CDKL3: variants seen among roughly 807,000 people sequenced by gnomAD.
CDKL3 encodes cyclin-dependent kinase-like 3.
Under a neutral mutation model 69.3 loss-of-function variants are expected in CDKL3, and 65 were observed. The ratio of observed to expected loss-of-function variants is 0.94; its 90% CI spans 0.77 to 1.15. The LOEUF is 1.15. Ranked by LOEUF, CDKL3 falls within the 50% of genes most tolerant of loss-of-function variation. CDKL3 has a pLI of 0.00. For missense variants in CDKL3, 652 were observed against 689.2 expected, an observed-to-expected ratio of 0.95 and a Z score of 0.61; for synonymous variants, 202 against 221.6, an observed-to-expected ratio of 0.91 and a Z score of 0.79.
At chr5:134,286,661 T>G (rs1764880244) in intron 8 of CDKL3, 3 of 152,512 alleles carry the variant, frequency 2.0e-5, no homozygotes, top group Admixed American at 2.0e-4. Flanking sequence ...GAACAGCAAG[T>G]CATGTCTTAC....
intron 4 of CDKL3, among the ~76,000 whole-genome samples, chr5:134,347,281 C>T (rs1302396101): frequency 1.3e-5 from 2 of 151,092 alleles, no homozygotes; most frequent in Admixed American, 6.6e-5. Flanking sequence ...GACACTGAAA[C>T]TCTCACACTC....
chr5:134,337,143 G>C (rs546339244), intron 4 of CDKL3, among the ~76,000 whole-genome samples: 1 of 152,194 alleles, frequency 6.6e-6, no homozygotes, highest in Non-Finnish European at 1.5e-5. Flanking sequence ...CATGGGCATG[G>C]GACCTGCTGA....
At chr5:134,355,878 T>C (rs1754483622) in intron 3 of CDKL3, among the ~76,000 whole-genome samples, 1 of 152,194 alleles carries the variant, frequency 6.6e-6, no homozygotes, top group African/African-American at 2.4e-5. Flanking sequence ...GGAAGGAATC[T>C]AGTCCCCGCT....
At chr5:134,321,715 A>C in intron 5 of CDKL3, 76 bp downstream of exon 5, 1 of 805,656 alleles carries the variant, frequency 1.2e-6, no homozygotes, top group African/African-American at 1.7e-5. Context: ...GAAAAGCTAA[A>C]TTTGAAAATC....
chr5:134,371,165 C>T, upstream of CDKL3: 1 of 273,196 alleles, frequency 3.7e-6, no homozygotes, highest in South Asian at 3.4e-5. Context: ...TCCCTGAAAT[C>T]TCTGGCCCGG....
chr5:134,307,324 T>C (rs1388047137), intron 9 of CDKL3, among the ~76,000 whole-genome samples: 1 of 152,228 alleles, frequency 6.6e-6, no homozygotes, highest in Admixed American at 6.5e-5. Context: ...ATGAACTTAC[T>C]GTCCAAGACT....
At chr5:134,289,456 A>G (rs1765026974) in intron 8 of CDKL3, among the ~76,000 whole-genome samples, 1 of 152,214 alleles carries the variant, frequency 6.6e-6, no homozygotes, top group South Asian at 2.1e-4. Context: ...CAAAGAAATT[A>G]CTCAGAGATG....
At chr5:134,321,733 A>C (rs1772845094) in intron 5 of CDKL3, 58 bp downstream of exon 5, 5 of 926,698 alleles carry the variant, frequency 5.4e-6, no homozygotes, top group Admixed American at 2.2e-5. Context: ...ATCAAGCAGA[A>C]TTGATCTGGC....
intron 5 of CDKL3, among the ~76,000 whole-genome samples, chr5:134,320,584 A>C (rs1338480408): frequency 6.6e-6 from 1 of 152,022 alleles, no homozygotes; most frequent in Non-Finnish European, 1.5e-5. Context: ...TCTCAAAAAA[A>C]TTAAAATTTA....
intron 4 of CDKL3, among the ~76,000 whole-genome samples, chr5:134,343,707 C>G (rs1751108822): frequency 6.6e-6 from 1 of 152,104 alleles, no homozygotes; most frequent in Non-Finnish European, 1.5e-5. Context: ...CATGGCCGCC[C>G]CAGACCCAGG....
At chr5:134,362,991 T>C (rs974589991) in intron 2 of CDKL3, among the ~76,000 whole-genome samples, 2 of 152,154 alleles carry the variant, frequency 1.3e-5, no homozygotes, top group African/African-American at 2.4e-5. Flanking sequence ...CTCAAAATTA[T>C]CTGCATAACA....
At chr5:134,371,535 G>A (rs1479922323), upstream of CDKL3, 5 of 1,585,738 alleles carry the variant, frequency 3.2e-6, no homozygotes, top group South Asian at 3.4e-5. Context: ...CCGCGCCGGG[G>A]GGTGGGGGGG....
chr5:134,308,376 T>A lies in CDKL3; in HGVS notation c.1126A>T (p.Lys376Ter), dbSNP rs747397172. Residue 376 changes from lysine to a stop codon, truncating the protein, a stop_gained, in exon 9 of 13, where the codon AAA (lysine) becomes TAA (stop). Coordinates refer to ENST00000265334, the MANE Select transcript of CDKL3 (RefSeq NM_001113575.2). LOFTEE classifies it high-confidence loss of function. ...GRGDISEPKK[K>*]EYEGGLGQQD... ...TGACCAAGTCCACCTTCATACTCTT[T>A]CTTTTTTGGTTCTGAGATATCTCCT... is the stretch of plus-strand genomic sequence containing the variant. The A allele has an allele frequency of 5.6e-6, 9 of 1,613,802 alleles. No individual in the cohort carries two copies. The highest frequency in any genetic ancestry group is 7.6e-6 in the Non-Finnish European group (9 of 1,179,842).
chr5:134,308,629 T>A lies in CDKL3; in HGVS notation c.980A>T (p.Asp327Val). The A allele has an allele frequency of 6.2e-7, 1 of 1,608,764 alleles. No homozygotes were observed. The highest frequency in any genetic ancestry group is 8.5e-7 in the Non-Finnish European group (1 of 1,178,714). The change falls in exon 8 of 13, where the codon GAT becomes GTT. Residue 327 changes from aspartate (D) to valine (V), a missense_variant. By Grantham distance (152) the Asp-to-Val change is radical (BLOSUM62 -3). Transcript: ENST00000265334. ...ATTGGTATAAACTGTTTTTCTTTCA[T>A]CTTTCCTGAGTTCATTTTCTTTAGA... ...ESSKENELRK[D>V]ERKTVYTNTL...
At chr5:134,348,332 G>T (rs1307545236) in intron 4 of CDKL3, among the ~76,000 whole-genome samples, 2 of 152,166 alleles carry the variant, frequency 1.3e-5, no homozygotes, top group Admixed American at 6.5e-5. Flanking sequence ...GGTTTTCTGG[G>T]GTGGTGGGCA....
intron 3 of CDKL3, among the ~76,000 whole-genome samples, chr5:134,352,882 TTCTC>T (rs1753673972): frequency 6.6e-6 from 1 of 152,204 alleles, no homozygotes; most frequent in African/African-American, 2.4e-5. Context: ...GGGTTCTCTC[TTCTC>T]TCTATTGTTT....
chr5:134,302,680 C>T lies in CDKL3; in HGVS notation c.1629G>A (p.Gln543=). 5 of 1,573,484 alleles carry T rather than the reference C, an allele frequency of 3.2e-6. No homozygotes were observed. The highest frequency in any genetic ancestry group is 4.3e-6 in the Non-Finnish European group (5 of 1,156,716). Residue 543 remains glutamine, a synonymous_variant, in exon 12 of 13, where the codon CAG becomes CAA. Transcript: ENST00000265334. ...TTGACTCCCTCTTCAGCATTTTTAT[C>T]TGTTTAACTTTTGCAAAAATATACA... ...SKDTKGMEVK[Q]IKMLKRESKK...
chr5:134,288,945 T>A (rs1157535690), intron 8 of CDKL3, among the ~76,000 whole-genome samples: 2 of 140,036 alleles, frequency 1.4e-5, no homozygotes, highest in Admixed American at 7.0e-5. Flanking sequence ...TTCAATAAAC[T>A]TTTTTTTTTT....
chr5:134,321,267 C>A (rs941597786), intron 5 of CDKL3, among the ~76,000 whole-genome samples: 1 of 152,026 alleles, frequency 6.6e-6, no homozygotes, highest in East Asian at 1.9e-4. Flanking sequence ...CTGCCTTGGC[C>A]TCCCAAAGTG....
Sources: gnomAD v4.1 joint callset for allele counts (sites outside exome capture counted in the v4.1 genomes callset) on GRCh38, gnomAD v4.1.1 for gene constraint, MANE v1.5 for transcripts, NCBI Gene and HGNC (gene_info 2026-07-23, HGNC 2026-07-21) for gene names.